Variants in ST6GALNAC1 observed in about 807,000 individuals in gnomAD.
ST6GALNAC1 encodes the protein ST6 N-acetylgalactosaminide alpha-2,6-sialyltransferase 1.
Under a neutral mutation model 56.8 loss-of-function variants are expected in ST6GALNAC1, and 45 were observed. That is an observed-to-expected ratio of 0.79 (90% confidence interval 0.62 to 1.02). The LOEUF (loss-of-function observed/expected upper bound fraction) is 1.02. Ranked by LOEUF, ST6GALNAC1 falls within the 50% of genes least tolerant of loss-of-function variation. The pLI, the probability that ST6GALNAC1 is intolerant of heterozygous loss-of-function variation, is 0.00. For missense variants in ST6GALNAC1, 743 were observed against 754.8 expected, an observed-to-expected ratio of 0.98 and a Z score of 0.18; for synonymous variants, 295 against 297.8, an observed-to-expected ratio of 0.99 and a Z score of 0.10.
rs570820675 is a variant in ST6GALNAC1 at position 76,625,014 on chromosome 17, C to G, written c.*316G>C. 3.0e-5 allele frequency: 11 copies of G among 367,870 alleles called. No individual in the cohort carries two copies. Among genetic ancestry groups the G allele is most frequent in the Admixed American group, 8.7e-5 (2 of 23,090 alleles). The allele number at this position is 367,870 out of a possible 1,614,324, so 22.8% of individuals were successfully genotyped here. Reference sequence around the variant, plus strand: ...CTATATGTTTCTGTAAATCCAGGCTCTTTTTTCTGTATCAAGAAGCTTTTG... The same window carrying G: ...CTATATGTTTCTGTAAATCCAGGCTGTTTTTTCTGTATCAAGAAGCTTTTG... On this transcript the variant is annotated 3_prime_UTR_variant, in exon 9 of 9. Coordinates refer to ENST00000156626, the MANE Select transcript of ST6GALNAC1 (RefSeq NM_018414.5).
At chr17:76,620,929 G>C (rs544737757), downstream of ST6GALNAC1, among the ~76,000 whole-genome samples, 151 of 152,120 alleles carry the variant, frequency 9.9e-4, no homozygotes, top group African/African-American at 3.3e-3. Context: ...CAAGGCATAA[G>C]TACTGTTGAA....
intron 1 of ST6GALNAC1, among the ~76,000 whole-genome samples, chr17:76,632,211 C>T (rs1044566917): frequency 2.0e-5 from 3 of 152,196 alleles, no homozygotes; most frequent in Non-Finnish European, 4.4e-5. Flanking sequence ...CTTCCAAACT[C>T]CGGCAGCCCT....
chr17:76,638,941 C>A (rs7221614), intron 1 of ST6GALNAC1, among the ~76,000 whole-genome samples: 105,431 of 152,002 alleles, frequency 0.69, 38,097 homozygotes, highest in East Asian at 0.81. Context: ...TTGCCAAGTC[C>A]AGCTGATCTG....
At chr17:76,621,549 C>T (rs2075741051), downstream of ST6GALNAC1, among the ~76,000 whole-genome samples, 1 of 152,030 alleles carries the variant, frequency 6.6e-6, no homozygotes, top group Non-Finnish European at 1.5e-5. Flanking sequence ...GATCTCGGCT[C>T]AGTGCAACCT....
chr17:76,626,094 G>A lies in ST6GALNAC1; in HGVS notation c.1417C>T (p.His473Tyr). 1 of 1,614,142 alleles carries A rather than the reference G, an allele frequency of 6.2e-7. No individual in the cohort carries two copies. The highest frequency in any genetic ancestry group is 8.5e-7 in the Non-Finnish European group (1 of 1,180,006). Residue 473 changes from histidine (H) to tyrosine (Y), a missense_variant and splice_region_variant, in exon 7 of 9, where the codon CAC becomes TAC. Transcript: ENST00000156626. Reference protein sequence around the residue: ...VMSKNLFWFRHRPQEAFREAL... With the variant: ...VMSKNLFWFRYRPQEAFREAL... The stretch of plus-strand genomic sequence containing the variant: ...TCCCGAAAAGCTTCCTGGGGTCTGT[G>A]CCTGTGGTTAGGAAGGGGTCATTCA...
chr17:76,621,135 C>T (rs896416216), downstream of ST6GALNAC1, among the ~76,000 whole-genome samples: 6 of 151,894 alleles, frequency 4.0e-5, no homozygotes, highest in Admixed American at 1.3e-4. Context: ...AAAGTGGAGC[C>T]GTAACCAATC....
chr17:76,626,842 G>A, intron 4 of ST6GALNAC1, 53 bp from the exon 5 acceptor site: 2 of 1,601,796 alleles, frequency 1.2e-6, no homozygotes, highest in South Asian at 1.1e-5. Context: ...AGGGAGATTT[G>A]TGTAGGTGGA....
At chr17:76,621,595 C>A (rs2075741426), downstream of ST6GALNAC1, among the ~76,000 whole-genome samples, 1 of 152,160 alleles carries the variant, frequency 6.6e-6, no homozygotes, top group Non-Finnish European at 1.5e-5. Context: ...CCTGCCTCAG[C>A]CTCCCAAGTA....
At chr17:76,628,151 G>A (rs1398222599) in intron 2 of ST6GALNAC1, among the ~76,000 whole-genome samples, 5 of 150,470 alleles carry the variant, frequency 3.3e-5, no homozygotes, top group African/African-American at 7.3e-5. Flanking sequence ...GAGAGGGGCC[G>A]CATCCTGGGA....
Position 76,625,454 on chromosome 17 carries a change from C to T in ST6GALNAC1, c.1679G>A (p.Arg560Gln), listed in dbSNP as rs756335445. 15 of 1,614,052 alleles carry T rather than the reference C, an allele frequency of 9.3e-6. No homozygotes were observed. Among genetic ancestry groups the T allele is most frequent in the Middle Eastern group, 1.6e-4 (1 of 6,078 alleles). The change falls in exon 9 of 9, where the codon CGG (arginine) becomes CAG (glutamine). Residue 560 changes from arginine (R) to glutamine (Q), a missense_variant. Coordinates refer to ENST00000156626, the MANE Select transcript of ST6GALNAC1 (RefSeq NM_018414.5). ...GTCATGGTTTATGTAAAAGATCAGC[C>T]GCTTCCATGATGTATCATAGTAGTG... is the stretch of plus-strand genomic sequence containing the variant. Reference protein sequence around the residue: ...SDHYYDTSWKRLIFYINHDFK... With the variant: ...SDHYYDTSWKQLIFYINHDFK...
chr17:76,627,175 A>G lies in ST6GALNAC1; in HGVS notation c.1064T>C (p.Leu355Pro), dbSNP rs1286942677. The part of the protein sequence containing the change: ...VPQQQLLLAS[L>P]PAGSLRCITC... ...GATGCACCGGAGGCTCCCAGCGGGG[A>G]GGCTGGCCAGGAGCAGCTGCTGCTG... is the stretch of plus-strand genomic sequence containing the variant. The change falls in exon 4 of 9, where the codon CTC (leucine) becomes CCC (proline). Residue 355 changes from leucine to proline, a missense_variant. By Grantham distance (98) the Leu-to-Pro change is moderately conservative (BLOSUM62 -3). Transcript: ENST00000156626. The surrounding 1 kb of genome is among the most constrained non-coding windows in gnomAD (Gnocchi z 4.4). 1 of 1,602,652 alleles carries G rather than the reference A, an allele frequency of 6.2e-7. No homozygotes were observed. Among genetic ancestry groups the G allele is most frequent in the African/African-American group, 1.3e-5 (1 of 74,652 alleles).
chr17:76,643,675 T>C lies in ST6GALNAC1; in HGVS notation c.-37A>G. 1.9e-6 allele frequency: 3 copies of C among 1,607,522 alleles called. No homozygotes were observed. The highest frequency in any genetic ancestry group is 2.6e-6 in the Non-Finnish European group (3 of 1,176,334). ...GGGTTCTAGAGGAAGGTTCTGCATG[T>C]CCTGGGGCCTTGATGTAGGCAGCTG... On this transcript the variant is annotated 5_prime_UTR_variant, in exon 1 of 9. Transcript: ENST00000156626.
chr17:76,636,651 G>T (rs898347385), intron 1 of ST6GALNAC1, among the ~76,000 whole-genome samples: 1 of 150,346 alleles, frequency 6.7e-6, no homozygotes, highest in Admixed American at 6.6e-5. Flanking sequence ...CGTCCGGGAG[G>T]TGGGGGTAGC....
chr17:76,631,566 G>A (rs2075901006), intron 1 of ST6GALNAC1, among the ~76,000 whole-genome samples: 1 of 152,156 alleles, frequency 6.6e-6, no homozygotes, highest in South Asian at 2.1e-4. Flanking sequence ...CTAAGGCTTT[G>A]TCTCTATCTC....
At chr17:76,634,615 T>A in intron 1 of ST6GALNAC1, among the ~76,000 whole-genome samples, 1 of 119,254 alleles carries the variant, frequency 8.4e-6, no homozygotes, top group Non-Finnish European at 1.6e-5. Flanking sequence ...GCCTCACGCC[T>A]GTAATCCCAG....
chr17:76,640,122 G>T (rs1182072694), intron 1 of ST6GALNAC1, among the ~76,000 whole-genome samples: 5 of 152,104 alleles, frequency 3.3e-5, no homozygotes, highest in African/African-American at 1.2e-4. Context: ...TGCCCCCTGC[G>T]GCATTTAGTG....
At chr17:76,620,978 T>G (rs903131007), downstream of ST6GALNAC1, among the ~76,000 whole-genome samples, 1 of 152,164 alleles carries the variant, frequency 6.6e-6, no homozygotes, top group African/African-American at 2.4e-5. Flanking sequence ...GATAGAGAAC[T>G]GTAACCTAAC....
At position 76,625,364 on chromosome 17, in the gene ST6GALNAC1, C is replaced by A. The variant is rs752875565; in HGVS notation, c.1769G>T (p.Arg590Leu). The A allele has an allele frequency of 2.5e-6, 4 of 1,613,756 alleles. No individual in the cohort carries two copies. The Admixed American group carries it at 6.7e-5, about 27-fold the overall frequency. ...HDEGIIRLYQ[R>L]PGPGTAKAKN ...GGCTTTGGCAGTTCCGGGACCAGGA[C>A]GCTGGTACAGCCGGATTATCCCTTC... Residue 590 changes from arginine (R) to leucine (L), a missense_variant, in exon 9 of 9, where the codon CGT becomes CTT. Physicochemically the swap from Arg to Leu is moderately radical, Grantham distance 102. Transcript: ENST00000156626.
chr17:76,637,722 G>A, intron 1 of ST6GALNAC1: 1 of 399,052 alleles, frequency 2.5e-6, no homozygotes, highest in Non-Finnish European at 4.4e-6. Context: ...ATGTCCTGGA[G>A]CCCTTGATAC....
Sources: allele counts gnomAD v4.1 joint callset (sites outside exome capture counted in the v4.1 genomes callset), GRCh38; gene constraint gnomAD v4.1.1; non-coding constraint Gnocchi (gnomAD v3.1); transcripts MANE v1.5; gene names NCBI Gene and HGNC (gene_info 2026-07-23, HGNC 2026-07-21).